TMEM178A: variants seen among roughly 807,000 people sequenced by gnomAD.
TMEM178A encodes the protein transmembrane protein 178A.
A neutral mutation model predicts 29.1 loss-of-function variants in TMEM178A; 12 were observed. The ratio of observed to expected loss-of-function variants is 0.41; its 90% CI spans 0.26 to 0.67. The LOEUF is 0.67. Ranked by LOEUF, TMEM178A falls within the 30% of genes least tolerant of loss-of-function variation. The probability of loss-of-function intolerance (pLI) is 0.29; values close to 1 mark genes in which losing one functional copy is unlikely to be tolerated. For synonymous variants in TMEM178A, 210 were observed against 187.2 expected (o/e 1.12, Z -0.99); for missense variants, 366 against 419.1 (o/e 0.87, Z 1.11).
chr2:39,710,137 G>A (rs377716319), intron 3 of TMEM178A, among the ~76,000 whole-genome samples: 6 of 152,130 alleles, frequency 3.9e-5, no homozygotes, highest in African/African-American at 9.7e-5. Context: ...GATCGAGCAC[G>A]GGAAGCTCCT....
At chr2:39,690,189 T>G (rs550075435) in intron 1 of TMEM178A, among the ~76,000 whole-genome samples, 6 of 151,138 alleles carry the variant, frequency 4.0e-5, no homozygotes, top group African/African-American at 1.2e-4. Flanking sequence ...ACAGATCCTG[T>G]TAACTGACGG....
intron 1 of TMEM178A, among the ~76,000 whole-genome samples, chr2:39,686,851 T>C (rs977815247): frequency 2.0e-5 from 3 of 152,184 alleles, no homozygotes; most frequent in Non-Finnish European, 2.9e-5. Flanking sequence ...CTTTTTTCCC[T>C]CCTGCCTGGT....
chr2:39,717,437 A>G lies in TMEM178A; in HGVS notation c.*186A>G. 1.3e-6 allele frequency: 1 copy of G among 783,686 alleles called. No individual in the cohort carries two copies. The highest frequency in any genetic ancestry group is 2.8e-5 in the East Asian group (1 of 35,872). 48.5% of individuals were successfully genotyped at this position (783,686 alleles called of 1,614,324 possible). A position where few individuals can be genotyped will look rare whatever the true frequency, so the allele number is the denominator to read the frequency against. ...TAAGGACAAGACTACTGTGGATTCAAGTGCTTTAATGACTATTTATGCGTT... is the reference window on the plus strand; with the variant it reads ...TAAGGACAAGACTACTGTGGATTCAGGTGCTTTAATGACTATTTATGCGTT... On this transcript the variant is annotated 3_prime_UTR_variant, in exon 4 of 4. Transcript: ENST00000281961.
the TMEM178A span, among the ~76,000 whole-genome samples, chr2:39,728,645 A>G: frequency 1.3e-5 from 2 of 152,246 alleles, no homozygotes; most frequent in Admixed American, 6.5e-5. Flanking sequence ...TTAATTCTGC[A>G]AAGTACACCG....
intron 1 of TMEM178A, among the ~76,000 whole-genome samples, chr2:39,683,695 T>C (rs1022274421): frequency 6.6e-6 from 1 of 152,232 alleles, no homozygotes; most frequent in African/African-American, 2.4e-5. Flanking sequence ...GCACTGCAGT[T>C]AAGTATGCCA....
At chr2:39,706,945 T>C in intron 2 of TMEM178A, 104 bp from the exon 3 acceptor site, 1 of 1,368,692 alleles carries the variant, frequency 7.3e-7, no homozygotes, top group Non-Finnish European at 9.9e-7. Flanking sequence ...AGCCTGTCCA[T>C]GTAACTTACT....
intron 1 of TMEM178A, among the ~76,000 whole-genome samples, chr2:39,694,138 A>G (rs1356313873): frequency 7.0e-6 from 1 of 143,024 alleles, no homozygotes; most frequent in Non-Finnish European, 1.5e-5. Flanking sequence ...GTTCAGATAA[A>G]AAAAGTAGCA....
chr2:39,710,695 C>CA lies in TMEM178A; in HGVS notation c.652+3516dup, dbSNP rs749462318. Among the ~76,000 whole-genome samples the CA allele has an allele frequency of 2.7e-4, 41 of 151,632 alleles. 1 individual carries two copies. In the South Asian group the frequency reaches 3.8e-3, roughly 14 times the overall value. On this transcript the variant is annotated intron_variant, in intron 3 of 3. Coordinates refer to ENST00000281961, the MANE Select transcript of TMEM178A (RefSeq NM_152390.3). ...GTTCACATGCAGTAGGAGATGAGAG[C>CA]AAAAAAAGGGTTAAAAGAATCGATT...
chr2:39,675,197 T>C (rs1670565118), intron 1 of TMEM178A, among the ~76,000 whole-genome samples: 1 of 151,802 alleles, frequency 6.6e-6, no homozygotes, highest in Admixed American at 6.6e-5. Flanking sequence ...GATGTAGGGG[T>C]GGGGGCTTCA....
At chr2:39,725,172 C>A in the TMEM178A span, among the ~76,000 whole-genome samples, 71 of 152,240 alleles carry the variant, frequency 4.7e-4, no homozygotes, top group African/African-American at 1.5e-3. Flanking sequence ...GAGGGACAGC[C>A]ATGTAGAGCC....
chr2:39,679,085 C>T (rs781757768), intron 1 of TMEM178A, among the ~76,000 whole-genome samples: 4 of 152,338 alleles, frequency 2.6e-5, no homozygotes, highest in Non-Finnish European at 5.9e-5. Flanking sequence ...GTACTTTATA[C>T]ATACCTTTAT....
intron 3 of TMEM178A, 88 bp downstream of exon 3, chr2:39,707,274 GT>G (rs1325559552): frequency 7.0e-7 from 1 of 1,434,658 alleles, no homozygotes; most frequent in Non-Finnish European, 9.2e-7. Context: ...TTATCTCCCT[GT>G]TAATTTTGTT....
chr2:39,733,895 G>C, the TMEM178A span, among the ~76,000 whole-genome samples: 1 of 151,952 alleles, frequency 6.6e-6, no homozygotes, highest in Non-Finnish European at 1.5e-5. Flanking sequence ...TCCTCCAATT[G>C]TGGACTGCAT....
chr2:39,696,842 C>A (rs537641394), intron 1 of TMEM178A, among the ~76,000 whole-genome samples: 61 of 152,298 alleles, frequency 4.0e-4, no homozygotes, highest in African/African-American at 1.4e-3. Flanking sequence ...TGGTTTATAT[C>A]ATCATTAAAG....
chr2:39,699,284 C>T (rs1445803198), intron 1 of TMEM178A, among the ~76,000 whole-genome samples: 1 of 152,104 alleles, frequency 6.6e-6, no homozygotes, highest in African/African-American at 2.4e-5. Context: ...ACTTCAGCCT[C>T]CCAAAGTGCT....
chr2:39,666,041 G>C lies in TMEM178A; in HGVS notation c.67G>C (p.Val23Leu). ...GLSLCSLGLL[V>L]TAIFTDHWYE... The stretch of plus-strand genomic sequence containing the variant: ...CAGCCTGTGCTCCCTGGGGCTGCTC[G>C]TCACGGCCATCTTCACCGACCACTG... Residue 23 changes from valine to leucine, a missense_variant, in exon 1 of 4, where the codon GTC becomes CTC. Physicochemically the swap from Val to Leu is conservative, Grantham distance 32 (BLOSUM62 1). Coordinates refer to ENST00000281961, the MANE Select transcript of TMEM178A (RefSeq NM_152390.3). 1 of 1,559,546 alleles carries C rather than the reference G, an allele frequency of 6.4e-7. No individual in the cohort carries two copies.
At chr2:39,715,424 T>C (rs1157851155) in intron 3 of TMEM178A, among the ~76,000 whole-genome samples, 1 of 152,196 alleles carries the variant, frequency 6.6e-6, no homozygotes, top group African/African-American at 2.4e-5. Flanking sequence ...TTTGTGTAGA[T>C]CTAAGAACAT....
At chr2:39,724,687 C>T in the TMEM178A span, among the ~76,000 whole-genome samples, 1 of 152,146 alleles carries the variant, frequency 6.6e-6, no homozygotes, top group African/African-American at 2.4e-5. Context: ...AAACAAACCT[C>T]AAGACAGCCT....
intron 1 of TMEM178A, among the ~76,000 whole-genome samples, chr2:39,685,156 C>T (rs563371837): frequency 2.6e-5 from 4 of 152,226 alleles, no homozygotes; most frequent in African/African-American, 9.6e-5. Context: ...AAGTCTCAGC[C>T]CAGCCTTCAT....
Sources: gnomAD v4.1 joint callset for allele counts (sites outside exome capture counted in the v4.1 genomes callset) on GRCh38, gnomAD v4.1.1 for gene constraint, MANE v1.5 for transcripts, NCBI Gene and HGNC (gene_info 2026-07-23, HGNC 2026-07-21) for gene names.